Variants in CACNB2 observed in about 807,000 individuals in gnomAD.
CACNB2 encodes the protein voltage-dependent L-type calcium channel subunit beta-2.
A neutral mutation model predicts 73.3 loss-of-function variants in CACNB2; 42 were observed. That is an observed-to-expected ratio of 0.57 (90% CI 0.45 to 0.74). CACNB2 has a LOEUF of 0.74. Ranked by LOEUF, CACNB2 falls within the 30% of genes least tolerant of loss-of-function variation. The probability of loss-of-function intolerance (pLI) is 0.00; values close to 1 mark genes in which losing one functional copy is unlikely to be tolerated. For missense variants in CACNB2, 940 were observed against 853.0 expected, an observed-to-expected ratio of 1.10 and a Z score of -1.27; for synonymous variants, 348 against 310.3, an observed-to-expected ratio of 1.12 and a Z score of -1.28.
At chr10:18,519,254 G>C (rs1280485521) in intron 9 of CACNB2, among the ~76,000 whole-genome samples, 2 of 152,104 alleles carry the variant, frequency 1.3e-5, no homozygotes, top group African/African-American at 4.8e-5. Flanking sequence ...GCCCTCTATT[G>C]CTGCCCAGGC....
chr10:18,194,696 G>A (rs1308092156), intron 2 of CACNB2, among the ~76,000 whole-genome samples: 1 of 152,210 alleles, frequency 6.6e-6, no homozygotes, highest in East Asian at 1.9e-4. Context: ...TCACTTGAAA[G>A]ATGAGAATTG....
intron 2 of CACNB2, among the ~76,000 whole-genome samples, chr10:18,368,018 G>C (rs1364401624): frequency 6.6e-6 from 1 of 152,060 alleles, no homozygotes; most frequent in Non-Finnish European, 1.5e-5. Flanking sequence ...TGCGTTTGGG[G>C]GTACAGTAGA....
At chr10:18,169,197 T>TA (rs1327506978) in intron 2 of CACNB2, among the ~76,000 whole-genome samples, 122 of 144,300 alleles carry the variant, frequency 8.5e-4, no homozygotes, top group African/African-American at 3.0e-3. Context: ...ATATATATTT[T>TA]TAAAAAAAAT....
chr10:18,227,348 G>C (rs538586498), intron 2 of CACNB2, among the ~76,000 whole-genome samples: 15 of 152,218 alleles, frequency 9.9e-5, no homozygotes, highest in African/African-American at 3.6e-4. Flanking sequence ...GTGGGCTGGG[G>C]AGTGGCTGGA....
At chr10:18,484,263 G>T (rs910156636) in intron 3 of CACNB2, among the ~76,000 whole-genome samples, 78 of 151,970 alleles carry the variant, frequency 5.1e-4, no homozygotes, top group African/African-American at 1.3e-3. Context: ...GCGTGGTGGC[G>T]GGCGCCTATA....
At chr10:18,473,643 A>G (rs755136977) in intron 3 of CACNB2, among the ~76,000 whole-genome samples, 7 of 152,184 alleles carry the variant, frequency 4.6e-5, no homozygotes, top group Non-Finnish European at 7.3e-5. Flanking sequence ...TGTGTTAGTA[A>G]GGGATGCCAG....
chr10:18,358,497 G>GCTCTCTCT lies in CACNB2; in HGVS notation c.214-43379_214-43372dup, dbSNP rs59205683. On this transcript the variant is annotated intron_variant, in intron 2 of 13. Coordinates refer to ENST00000324631, the MANE Select transcript of CACNB2 (RefSeq NM_201596.3). ...GGGAAATTCCTTTTCTAATGAGCAC[G>GCTCTCTCT]CTCTCTCTCTCTCTCTCTCTCTCTC... is the stretch of plus-strand genomic sequence containing the variant. Among the ~76,000 whole-genome samples, 243 of 104,248 alleles carry GCTCTCTCT rather than the reference G, an allele frequency of 2.3e-3. 16 individuals carry two copies. Among genetic ancestry groups the GCTCTCTCT allele is most frequent in the East Asian group, 2.9e-3 (7 of 2,396 alleles). 68.4% of individuals were successfully genotyped at this position (104,248 alleles called of 152,430 possible).
In CACNB2 at chr10:18,262,031, C is replaced by T. The variant is rs574645166; in HGVS notation, c.213+111056C>T. ...TGGCTTGATTTTCATACTCCTTTTG[C>T]GAGCAGCTACTCTATTTTCAGGAAG... On this transcript the variant is annotated intron_variant, in intron 2 of 13. Coordinates refer to ENST00000324631, the MANE Select transcript of CACNB2 (RefSeq NM_201596.3). The T allele has an allele frequency of 9.6e-6, 5 of 518,680 alleles. No individual in the cohort carries two copies. In the East Asian group the frequency reaches 2.7e-4, roughly 28 times the overall value. The allele number at this position is 518,680 out of a possible 1,614,324, so 32.1% of individuals were successfully genotyped here.
At chr10:18,267,245 T>A (rs2037851816) in intron 2 of CACNB2, among the ~76,000 whole-genome samples, 1 of 152,204 alleles carries the variant, frequency 6.6e-6, no homozygotes, top group Non-Finnish European at 1.5e-5. Context: ...TTAAAATCCT[T>A]AATTTTTTTC....
At chr10:18,475,192 C>G (rs937325771) in intron 3 of CACNB2, among the ~76,000 whole-genome samples, 1 of 151,864 alleles carries the variant, frequency 6.6e-6, no homozygotes, top group Non-Finnish European at 1.5e-5. Flanking sequence ...GGTCACACAC[C>G]TGGAAGCTCT....
chr10:18,218,154 T>C (rs1430902453), intron 2 of CACNB2, among the ~76,000 whole-genome samples: 1 of 152,168 alleles, frequency 6.6e-6, no homozygotes, highest in African/African-American at 2.4e-5. Flanking sequence ...TCATTACCAA[T>C]TTAATAGAAA....
chr10:18,320,737 G>C (rs1712483758), intron 2 of CACNB2, among the ~76,000 whole-genome samples: 1 of 152,168 alleles, frequency 6.6e-6, no homozygotes, highest in Non-Finnish European at 1.5e-5. Flanking sequence ...AAAGAACATA[G>C]TTAGAACTGC....
chr10:18,179,294 G>C (rs1296716741), intron 2 of CACNB2, among the ~76,000 whole-genome samples: 1 of 152,164 alleles, frequency 6.6e-6, no homozygotes, highest in East Asian at 1.9e-4. Context: ...CTGAGAAATT[G>C]TTGTAGGGAG....
In CACNB2 at chr10:18,366,293, G is replaced by A. The variant is rs1426100320; in HGVS notation, c.214-35631G>A. Among the ~76,000 whole-genome samples the A allele has an allele frequency of 8.6e-5, 13 of 151,716 alleles. No homozygotes were observed. The South Asian group carries it at 2.5e-3, about 29-fold the overall frequency. On this transcript the variant is annotated intron_variant, in intron 2 of 13. Transcript: ENST00000324631. ...ATCCTGGCTAACACGGTGAAACCCC[G>A]TCTCTACTAAAAATACAAAAAATTA...
chr10:18,317,152 C>T (rs915215405), intron 2 of CACNB2, among the ~76,000 whole-genome samples: 2 of 151,686 alleles, frequency 1.3e-5, no homozygotes, highest in African/African-American at 4.8e-5. Flanking sequence ...AAACTGTCCT[C>T]TCAAAGGTCT....
intron 2 of CACNB2, among the ~76,000 whole-genome samples, chr10:18,165,365 AT>A (rs1389087528): frequency 6.6e-6 from 1 of 152,188 alleles, no homozygotes; most frequent in East Asian, 1.9e-4. Context: ...GAAGGTGTCG[AT>A]GTCAAAACAG....
In CACNB2 at chr10:18,455,039, TAA is replaced by T. The variant is rs56167015; in HGVS notation, c.334-43301_334-43300del. On this transcript the variant is annotated intron_variant, in intron 3 of 13. Transcript: ENST00000324631. ...GGTGACAGAGTGAGACCCAATCTCT[TAA>T]AAAAAAAAAAAAAAGTGGTATTCGT... is the stretch of plus-strand genomic sequence containing the variant. Among the ~76,000 whole-genome samples the T allele has an allele frequency of 1.9e-4, 26 of 137,816 alleles. No homozygotes were observed. The East Asian group carries it at 3.8e-3, about 20-fold the overall frequency. The allele number at this position is 137,816 out of a possible 152,430, so 90.4% of individuals were successfully genotyped here. A position where few individuals can be genotyped will look rare whatever the true frequency, so the allele number is the denominator to read the frequency against.
intron 2 of CACNB2, among the ~76,000 whole-genome samples, chr10:18,245,467 A>G (rs1168333370): frequency 6.6e-6 from 1 of 152,078 alleles, no homozygotes; most frequent in Non-Finnish European, 1.5e-5. Flanking sequence ...ACTTACAGGC[A>G]TGCACCATCA....
intron 2 of CACNB2, among the ~76,000 whole-genome samples, chr10:18,289,417 C>T (rs1020527367): frequency 6.6e-5 from 10 of 151,202 alleles, no homozygotes; most frequent in African/African-American, 2.2e-4. Context: ...GCCTCAGCCT[C>T]ACGAGTAGCT....
Sources: allele counts gnomAD v4.1 joint callset (sites outside exome capture counted in the v4.1 genomes callset), GRCh38; gene constraint gnomAD v4.1.1; transcripts MANE v1.5; gene names NCBI Gene and HGNC (gene_info 2026-07-23, HGNC 2026-07-21).